Variants in PCDHA6 observed in about 807,000 individuals in gnomAD.
PCDHA6 encodes protocadherin alpha 6.
Under a neutral mutation model 60.3 loss-of-function variants are expected in PCDHA6, and 55 were observed. That is an observed-to-expected ratio of 0.91 (90% confidence interval 0.73 to 1.14). The LOEUF is 1.14. Among genes scored for constraint, PCDHA6 ranks in the 50% most tolerant of loss-of-function variants. The pLI, the probability that PCDHA6 is intolerant of heterozygous loss-of-function variation, is 0.00. For missense variants in PCDHA6, 1,327 were observed against 1,256.5 expected (o/e 1.06, Z -0.85); for synonymous variants, 652 against 557.9 (o/e 1.17, Z -2.38).
At chr5:140,881,441 CAGA>C (rs782795888) in intron 1 of PCDHA6, 70 of 829,276 alleles carry the variant, frequency 8.4e-5, no homozygotes, top group Non-Finnish European at 1.0e-4. Context: ...TTTATAAAAA[CAGA>C]ATCCAAAACC....
rs1026448396 is a variant in PCDHA6 at position 140,869,464 on chromosome 5, G to A, written c.2394+38979G>A. 1.1e-5 allele frequency: 18 copies of A among 1,614,080 alleles called. No individual in the cohort carries two copies. Among genetic ancestry groups the A allele is most frequent in the Non-Finnish European group, 1.4e-5 (17 of 1,180,040 alleles). ...GCCGCTGCAGGTTTTCCATGTGAAC[G>A]TGGAGGTGAAGGACATTAACGACAA... On this transcript the variant is annotated intron_variant, in intron 1 of 3. Transcript: ENST00000529310.
chr5:140,886,827 GA>G (rs782016620), intron 1 of PCDHA6, among the ~76,000 whole-genome samples: 1,709 of 60,916 alleles, frequency 0.028, 12 homozygotes, highest in African/African-American at 0.032. Flanking sequence ...ACTTCGTCTT[GA>G]AAAAAAAAAA....
At chr5:140,928,074 C>T (rs781992001) in intron 1 of PCDHA6, 1 of 1,614,216 alleles carries the variant, frequency 6.2e-7, no homozygotes, top group Admixed American at 1.7e-5. Flanking sequence ...TTGACAACTA[C>T]TACAGCCTGC....
rs780758944 is a variant in PCDHA6 at position 140,904,284 on chromosome 5, T to G, written c.2394+73799T>G. Among the ~76,000 whole-genome samples the G allele has an allele frequency of 1.3e-3, 196 of 152,216 alleles. 3 individuals carry two copies. The highest frequency in any genetic ancestry group is 1.2e-3 in the Non-Finnish European group (83 of 68,010). ...CACTTATGAATGAGAACATGTGGTG[T>G]TTGGTTTTCCATTCCTGAGTTTCTT... On this transcript the variant is annotated intron_variant, in intron 1 of 3. Transcript: ENST00000529310.
At chr5:140,928,427 C>T in intron 1 of PCDHA6, 1 of 1,614,132 alleles carries the variant, frequency 6.2e-7, no homozygotes. Flanking sequence ...GCCAAAACTT[C>T]CTTTGACTTT....
intron 3 of PCDHA6, among the ~76,000 whole-genome samples, chr5:140,983,060 A>G (rs1460099092): frequency 6.6e-6 from 1 of 152,120 alleles, no homozygotes; most frequent in Non-Finnish European, 1.5e-5. Flanking sequence ...TATCGGAACC[A>G]AGGCATTGTT....
chr5:140,928,125 C>T, intron 1 of PCDHA6: 2 of 1,614,154 alleles, frequency 1.2e-6, no homozygotes, highest in Non-Finnish European at 1.7e-6. Context: ...TCAGTGAATA[C>T]CAAGTCCTGA....
At chr5:140,953,408 TG>T (rs782455726) in intron 1 of PCDHA6, among the ~76,000 whole-genome samples, 5 of 152,168 alleles carry the variant, frequency 3.3e-5, no homozygotes, top group Non-Finnish European at 5.9e-5. Context: ...CTGTTGCTCC[TG>T]GCTCCTCCCC....
At chr5:140,982,415 A>C (rs1291195577) in intron 2 of PCDHA6, 60 bp from the exon 3 acceptor site, 1 of 1,610,020 alleles carries the variant, frequency 6.2e-7, no homozygotes, top group African/African-American at 1.3e-5. Flanking sequence ...CTGAGGGTGG[A>C]AGAAGAGATG....
chr5:140,839,494 A>T (rs1776252585), intron 1 of PCDHA6, among the ~76,000 whole-genome samples: 1 of 151,886 alleles, frequency 6.6e-6, no homozygotes, highest in Non-Finnish European at 1.5e-5. Flanking sequence ...GGCTCAAGTG[A>T]TCTTCCTACC....
intron 1 of PCDHA6, chr5:140,852,492 G>T (rs972287680): frequency 4.6e-6 from 1 of 217,062 alleles, no homozygotes; most frequent in Non-Finnish European, 8.5e-6. Context: ...TGGCCAGGTT[G>T]GTCTCGAACT....
intron 1 of PCDHA6, chr5:140,926,803 C>T (rs2083562434): frequency 6.9e-7 from 1 of 1,454,300 alleles, no homozygotes; most frequent in Non-Finnish European, 9.0e-7. Flanking sequence ...GTGCTCTTCC[C>T]CGCGGCTCGT....
chr5:140,979,462 T>C (rs2096852361), intron 2 of PCDHA6, among the ~76,000 whole-genome samples: 1 of 152,304 alleles, frequency 6.6e-6, no homozygotes, highest in East Asian at 1.9e-4. Context: ...CAATAATTGA[T>C]TGCTATTGTT....
intron 1 of PCDHA6, among the ~76,000 whole-genome samples, chr5:140,893,592 C>G (rs2064074430): frequency 6.6e-6 from 1 of 152,154 alleles, no homozygotes; most frequent in Non-Finnish European, 1.5e-5. Flanking sequence ...TTGGGAAATA[C>G]TTTATTTCTC....
rs782468153 is a variant in PCDHA6, at chr5:140,858,011, G to A, written c.2394+27526G>A. ...ACTGGTGCTGGTGAAGGACCATGGCGAGCCGTCGCTGACGGCCACGGCCAC... is the reference window on the plus strand; with the variant it reads ...ACTGGTGCTGGTGAAGGACCATGGCAAGCCGTCGCTGACGGCCACGGCCAC... On this transcript the variant is annotated intron_variant, in intron 1 of 3. Transcript: ENST00000529310. 1.1e-5 allele frequency: 18 copies of A among 1,596,704 alleles called. 1 individual carries two copies. Among genetic ancestry groups the A allele is most frequent in the Non-Finnish European group, 1.5e-5 (17 of 1,167,106 alleles).
rs377081112 is a variant in PCDHA6 at position 140,871,063 on chromosome 5, G to C, written c.2394+40578G>C. On this transcript the variant is annotated intron_variant, in intron 1 of 3. Coordinates refer to ENST00000529310, the MANE Select transcript of PCDHA6 (RefSeq NM_018909.4). ...ACTTCTAGTACTGGTGAAGGATCAC[G>C]GTGAGCCGGCGCTGACGGCCACGGC... The C allele has an allele frequency of 2.7e-5, 43 of 1,613,154 alleles. 1 individual carries two copies. The South Asian group carries it at 4.5e-4, about 17-fold the overall frequency.
At chr5:140,961,176 C>A (rs782677581) in intron 1 of PCDHA6, among the ~76,000 whole-genome samples, 16 of 152,182 alleles carry the variant, frequency 1.1e-4, no homozygotes, top group Admixed American at 2.0e-4. Context: ...ACCTTATGTA[C>A]TCCTCACAGG....
Position 141,010,304 on chromosome 5 carries a change from A to C in PCDHA6, c.*367A>C. 1.3e-6 allele frequency: 2 copies of C among 1,548,750 alleles called. No homozygotes were observed. Among genetic ancestry groups the C allele is most frequent in the Non-Finnish European group, 8.7e-7 (1 of 1,146,136 alleles). On this transcript the variant is annotated 3_prime_UTR_variant, in exon 4 of 4. Coordinates refer to ENST00000529310, the MANE Select transcript of PCDHA6 (RefSeq NM_018909.4). ...ATGACACTTGCAGGGCAGGCTGAAA[A>C]GTTTTGAGATTGAGCAGCTTGGGAG...
At chr5:140,927,288 C>T (rs917590577) in intron 1 of PCDHA6, 1 of 1,614,196 alleles carries the variant, frequency 6.2e-7, no homozygotes, top group Non-Finnish European at 8.5e-7. Context: ...TGCAGCTGCA[C>T]ATCCCCGAGT....
Sources: allele counts gnomAD v4.1 joint callset (sites outside exome capture counted in the v4.1 genomes callset), GRCh38; gene constraint gnomAD v4.1.1; transcripts MANE v1.5; gene names NCBI Gene and HGNC (gene_info 2026-07-23, HGNC 2026-07-21).